MAD1L1: variants seen among roughly 807,000 people sequenced by gnomAD.
MAD1L1 encodes mitotic arrest deficient 1 like 1, also known as mitotic spindle assembly checkpoint protein MAD1.
MAD1L1 carries 95 observed loss-of-function variants against 96.9 expected under a neutral mutation model. That is an observed-to-expected ratio of 0.98 (90% confidence interval 0.83 to 1.16). MAD1L1 has a LOEUF of 1.16. Among genes scored for constraint, MAD1L1 ranks in the 50% most tolerant of loss-of-function variants. MAD1L1 has a pLI of 0.00. For synonymous variants in MAD1L1, 473 were observed against 396.6 expected (o/e 1.19, Z -2.29); for missense variants, 1,007 against 954.4 (o/e 1.06, Z -0.73).
intron 12 of MAD1L1, among the ~76,000 whole-genome samples, chr7:2,017,506 G>A (rs1158003936): frequency 2.6e-5 from 4 of 152,236 alleles, no homozygotes; most frequent in East Asian, 3.9e-4. Context: ...GGGGCCGGGG[G>A]CAGCAGTAGA....
intron 12 of MAD1L1, among the ~76,000 whole-genome samples, chr7:2,059,415 A>AGGAGAGGCACGGGGTT (rs1332272771): frequency 6.8e-5 from 9 of 133,056 alleles, no homozygotes; most frequent in Non-Finnish European, 1.4e-4. Context: ...ATGTGGCCAG[A>AGGAGAGGCACGGGGTT]GGAGAGGCAC....
chr7:2,128,184 T>C (rs1788329538), intron 11 of MAD1L1, among the ~76,000 whole-genome samples: 1 of 152,184 alleles, frequency 6.6e-6, no homozygotes, highest in African/African-American at 2.4e-5. Flanking sequence ...ACAATTGTCC[T>C]GGTTTGCATA....
intron 18 of MAD1L1, among the ~76,000 whole-genome samples, chr7:1,883,606 C>T (rs1367879157): frequency 5.9e-5 from 9 of 152,212 alleles, no homozygotes; most frequent in African/African-American, 1.9e-4. Context: ...TGTCTCCAAC[C>T]TCCTCAGGCA....
intron 17 of MAD1L1, among the ~76,000 whole-genome samples, chr7:1,931,092 G>A (rs116376058): frequency 0.014 from 1,943 of 142,156 alleles, 168 homozygotes; most frequent in African/African-American, 0.054. Flanking sequence ...TCACAGGAGC[G>A]AGGGCGCATC....
intron 3 of MAD1L1, among the ~76,000 whole-genome samples, chr7:2,228,643 TTA>T (rs1364288675): frequency 1.8e-4 from 19 of 102,880 alleles, no homozygotes; most frequent in African/African-American, 9.0e-4. Context: ...TACATAAATA[TTA>T]TATATATACA....
intron 18 of MAD1L1, among the ~76,000 whole-genome samples, chr7:1,894,704 A>AGAGGGGAG (rs1038228342): frequency 6.6e-6 from 1 of 152,032 alleles, no homozygotes; most frequent in African/African-American, 2.4e-5. Context: ...AGCCCTCCAA[A>AGAGGGGAG]GAGGGGAGGG....
rs1033961335 is a variant in MAD1L1 at position 2,114,779 on chromosome 7, C to T, written c.1073+34373G>A. On this transcript the variant is annotated intron_variant, in intron 11 of 18. Transcript: ENST00000265854. This position sits in a 1 kb window ranked among gnomAD's most constrained non-coding sequence, Gnocchi z 4.2. Reference sequence around the variant, plus strand: ...CAGAGTTCAGCGTCTTCGACAGAGACCACCTGCCCGGCAAACCCCAAAGAG... The same window carrying T: ...CAGAGTTCAGCGTCTTCGACAGAGATCACCTGCCCGGCAAACCCCAAAGAG... Among the ~76,000 whole-genome samples, 7 of 152,222 alleles carry T rather than the reference C, an allele frequency of 4.6e-5. No individual in the cohort carries two copies. The highest frequency in any genetic ancestry group is 7.3e-5 in the Non-Finnish European group (5 of 68,046).
intron 12 of MAD1L1, among the ~76,000 whole-genome samples, chr7:2,055,691 A>T (rs1331554520): frequency 7.1e-6 from 1 of 141,830 alleles, no homozygotes; most frequent in Non-Finnish European, 1.5e-5. Context: ...AAAAAAAAAA[A>T]TCTAGGACCA....
At chr7:2,043,584 C>T (rs114447532) in intron 12 of MAD1L1, among the ~76,000 whole-genome samples, 1,982 of 152,326 alleles carry the variant, frequency 0.013, 32 homozygotes, top group African/African-American at 0.045. Flanking sequence ...GACGCTGGGT[C>T]ATGACTGTTC....
chr7:2,231,867 T>C (rs939091467), intron 1 of MAD1L1, among the ~76,000 whole-genome samples: 4 of 152,072 alleles, frequency 2.6e-5, no homozygotes, highest in Admixed American at 6.6e-5. Context: ...CTTGCAAAGT[T>C]GTGGGGAACG....
intron 18 of MAD1L1, among the ~76,000 whole-genome samples, chr7:1,875,733 T>C (rs972199349): frequency 6.6e-6 from 1 of 152,182 alleles, no homozygotes. Flanking sequence ...TGTGCGAACA[T>C]CTATGATGTA....
intron 11 of MAD1L1, among the ~76,000 whole-genome samples, chr7:2,133,499 G>C (rs1788612479): frequency 6.6e-6 from 1 of 152,186 alleles, no homozygotes; most frequent in Non-Finnish European, 1.5e-5. Flanking sequence ...TCTCCATTTG[G>C]GGCTTCTCCT....
At chr7:2,226,453 T>A (rs1424115581) in intron 3 of MAD1L1, among the ~76,000 whole-genome samples, 1 of 151,802 alleles carries the variant, frequency 6.6e-6, no homozygotes, top group African/African-American at 2.4e-5. Context: ...GCTGAGCTCC[T>A]GGGGGCCCTC....
intron 15 of MAD1L1, among the ~76,000 whole-genome samples, chr7:1,958,509 C>A (rs942027992): frequency 2.0e-5 from 3 of 152,140 alleles, no homozygotes; most frequent in Non-Finnish European, 4.4e-5. Context: ...TGCTCCAGGG[C>A]GTCCCAGCAC....
intron 17 of MAD1L1, among the ~76,000 whole-genome samples, chr7:1,901,825 C>T (rs1175914412): frequency 1.3e-5 from 2 of 152,222 alleles, no homozygotes; most frequent in Admixed American, 6.5e-5. Flanking sequence ...CCACACTGAC[C>T]AGGAGCACCT....
chr7:2,210,863 G>A lies in MAD1L1; in HGVS notation c.986+2349C>T, dbSNP rs182938109. On this transcript the variant is annotated intron_variant, in intron 10 of 18. Coordinates refer to ENST00000265854, the MANE Select transcript of MAD1L1 (RefSeq NM_001013836.2). ...GGCCATCAGCCTCCGGCTGCTCAGA[G>A]AGGACGCTCGCACCAGCCCCTCTCC... 3.5e-3 allele frequency among the ~76,000 whole-genome samples: 526 copies of A among 148,412 alleles called. 5 individuals carry two copies. The highest frequency in any genetic ancestry group is 0.013 in the African/African-American group (494 of 37,838).
intron 10 of MAD1L1, among the ~76,000 whole-genome samples, chr7:2,199,588 G>C (rs2114949907): frequency 6.6e-6 from 1 of 152,358 alleles, no homozygotes; most frequent in East Asian, 1.9e-4. Flanking sequence ...TCCTAAATCA[G>C]CAGTCTTCCA....
intron 9 of MAD1L1, 141 bp downstream of exon 9, chr7:2,215,744 G>A: frequency 1.4e-6 from 1 of 735,980 alleles, no homozygotes; most frequent in East Asian, 2.6e-5. Flanking sequence ...ACCTCTCTGG[G>A]GACCACGATT....
chr7:2,224,125 T>A (rs2115014690), intron 4 of MAD1L1, among the ~76,000 whole-genome samples: 1 of 152,256 alleles, frequency 6.6e-6, no homozygotes, highest in South Asian at 2.1e-4. Context: ...ACAATGGAGA[T>A]CCTGGGCAGA....
Sources: allele counts gnomAD v4.1 joint callset (sites outside exome capture counted in the v4.1 genomes callset), GRCh38; gene constraint gnomAD v4.1.1; non-coding constraint Gnocchi (gnomAD v3.1); transcripts MANE v1.5; gene names NCBI Gene and HGNC (gene_info 2026-07-23, HGNC 2026-07-21).